The following LEMD3 variants were observed in gnomAD, a reference collection of about 807,000 sequenced individuals.
LEMD3 encodes the protein inner nuclear membrane protein Man1.
LEMD3 carries 33 observed loss-of-function variants against 95.2 expected under a neutral mutation model. The observed-to-expected ratio is 0.35, with a 90% CI of 0.26 to 0.46. The LOEUF (loss-of-function observed/expected upper bound fraction) is 0.46, where lower values mean the gene tolerates loss of function less well. Among genes scored for constraint, LEMD3 ranks in the 20% least tolerant of loss-of-function variants. The pLI is 1.00. For synonymous variants in LEMD3, 525 were observed against 474.6 expected (o/e 1.11, Z -1.38); for missense variants, 1,210 against 1,192.8 (o/e 1.01, Z -0.21).
chr12:65,228,031 G>A (rs188616247), intron 4 of LEMD3, among the ~76,000 whole-genome samples: 64 of 152,248 alleles, frequency 4.2e-4, no homozygotes, highest in Admixed American at 9.8e-4. Context: ...CTGAAGAAAT[G>A]GGATAGGGAC....
At chr12:65,231,709 T>C (rs1013564534) in intron 4 of LEMD3, among the ~76,000 whole-genome samples, 1 of 152,054 alleles carries the variant, frequency 6.6e-6, no homozygotes, top group African/African-American at 2.4e-5. Flanking sequence ...ATTATTTAAT[T>C]CATATGGAAA....
intron 1 of LEMD3, among the ~76,000 whole-genome samples, chr12:65,206,023 T>C (rs1161502837): frequency 6.6e-6 from 1 of 152,120 alleles, no homozygotes; most frequent in African/African-American, 2.4e-5. Flanking sequence ...TGCAAAAACA[T>C]GTCCTGCCTT....
intron 2 of LEMD3, among the ~76,000 whole-genome samples, chr12:65,214,346 T>G (rs1870036454): frequency 6.6e-6 from 1 of 152,124 alleles, no homozygotes; most frequent in Admixed American, 6.5e-5. Flanking sequence ...TGATCTTATG[T>G]GAAGATAAGG....
chr12:65,172,190 C>G (rs972443438), intron 1 of LEMD3, among the ~76,000 whole-genome samples: 3 of 152,096 alleles, frequency 2.0e-5, no homozygotes, highest in African/African-American at 7.2e-5. Context: ...AAGATGAGGC[C>G]TCTATTGACT....
intron 1 of LEMD3, among the ~76,000 whole-genome samples, chr12:65,199,905 T>G (rs565525944): frequency 3.2e-4 from 48 of 152,112 alleles, no homozygotes; most frequent in African/African-American, 1.0e-3. Flanking sequence ...GAATGAGAGT[T>G]CTGAGGCAGG....
At chr12:65,179,931 A>G (rs151179557) in intron 1 of LEMD3, among the ~76,000 whole-genome samples, 11 of 152,106 alleles carry the variant, frequency 7.2e-5, no homozygotes, top group Non-Finnish European at 1.3e-4. Flanking sequence ...ATTTATTTTT[A>G]ACATAGATTT....
At position 65,169,816 on chromosome 12, in the gene LEMD3, G is replaced by C; in HGVS notation, c.220G>C (p.Ala74Pro). Residue 74 changes from alanine to proline, a missense_variant, in exon 1 of 13, where the codon GCC (alanine) becomes CCC (proline). Ala to Pro is a conservative substitution (Grantham distance 27). This residue lies in a region of LEMD3 where 749 missense variants were observed against 622.9 expected (regional missense o/e 1.20). Transcript: ENST00000308330. The part of the protein sequence containing the change: ...RNSNNNNTAA[A>P]TVAAAGPAAA... ...CAGTAATAACAATAACACGGCAGCC[G>C]CCACGGTCGCAGCCGCGGGACCAGC... 1 of 1,493,376 alleles carries C rather than the reference G, an allele frequency of 6.7e-7. No homozygotes were observed. The highest frequency in any genetic ancestry group is 2.5e-5 in the East Asian group (1 of 40,030). The allele number at this position is 1,493,376 out of a possible 1,614,324, so 92.5% of individuals were successfully genotyped here. A position where few individuals can be genotyped will look rare whatever the true frequency, so the allele number is the denominator to read the frequency against.
At chr12:65,183,291 A>G (rs1868960915) in intron 1 of LEMD3, among the ~76,000 whole-genome samples, 1 of 152,180 alleles carries the variant, frequency 6.6e-6, no homozygotes, top group Non-Finnish European at 1.5e-5. Flanking sequence ...AGGCTTTAGA[A>G]TCCGATATGT....
chr12:65,215,894 T>A, intron 2 of LEMD3, 83 bp from the exon 3 acceptor site: 3 of 557,556 alleles, frequency 5.4e-6, no homozygotes. Context: ...TTAAATTTAC[T>A]GTTTTTTTTT....
intron 1 of LEMD3, among the ~76,000 whole-genome samples, chr12:65,181,932 G>A (rs1451419949): frequency 3.3e-5 from 5 of 151,108 alleles, no homozygotes; most frequent in African/African-American, 4.9e-5. Context: ...TAAATGTCCC[G>A]TCTTTCAGAT....
intron 1 of LEMD3, among the ~76,000 whole-genome samples, 179 bp from the exon 2 acceptor site, chr12:65,210,747 A>T (rs1056774575): frequency 2.6e-5 from 4 of 152,146 alleles, no homozygotes; most frequent in Non-Finnish European, 5.9e-5. Flanking sequence ...AGTGAGAATG[A>T]TAAGTATAAG....
At chr12:65,173,779 A>G (rs1008758979) in intron 1 of LEMD3, among the ~76,000 whole-genome samples, 1 of 152,212 alleles carries the variant, frequency 6.6e-6, no homozygotes, top group Non-Finnish European at 1.5e-5. Context: ...TATACATTAT[A>G]GAAATTAATA....
At chr12:65,194,853 T>TAATTTATAAATTATAATTTAGATTAC (rs1869373789) in intron 1 of LEMD3, among the ~76,000 whole-genome samples, 5 of 148,534 alleles carry the variant, frequency 3.4e-5, no homozygotes, top group Non-Finnish European at 7.4e-5. Flanking sequence ...ATTTAGATTA[T>TAATTTATAAATTATAATTTAGATTAC]AATTTATAAA....
rs1416099990 is a variant in LEMD3 at position 65,171,144 on chromosome 12, GT to G, written c.1522+27del. 4 of 1,604,790 alleles carry G rather than the reference GT, an allele frequency of 2.5e-6. No individual in the cohort carries two copies. In the South Asian group the frequency reaches 3.3e-5, roughly 13 times the overall value. On this transcript the variant is annotated intron_variant, in intron 1 of 12. Transcript: ENST00000308330. ...GTAAGTATTAAATCCTGTGGGTAAGGTAACAAAGAGAATGTTGTTAGTGGTC... is the reference window on the plus strand; with the variant it reads ...GTAAGTATTAAATCCTGTGGGTAAGGAACAAAGAGAATGTTGTTAGTGGTC...
At chr12:65,236,490 G>T (rs1870775520) in intron 4 of LEMD3, among the ~76,000 whole-genome samples, 1 of 151,980 alleles carries the variant, frequency 6.6e-6, no homozygotes, top group Admixed American at 6.6e-5. Flanking sequence ...GATGGAGGTT[G>T]CAGTGAGGCG....
At chr12:65,186,408 A>G (rs1869065155) in intron 1 of LEMD3, among the ~76,000 whole-genome samples, 2 of 152,100 alleles carry the variant, frequency 1.3e-5, no homozygotes. Context: ...GCTATAAATT[A>G]TATTAATGCC....
intron 1 of LEMD3, among the ~76,000 whole-genome samples, chr12:65,180,989 A>AACACAC (rs71096029): frequency 0.07 from 10,512 of 149,246 alleles, 452 homozygotes; most frequent in East Asian, 0.15. Flanking sequence ...TATGTACACA[A>AACACAC]ACACACACAC....
chr12:65,239,755 T>C (rs1213088354), intron 6 of LEMD3, among the ~76,000 whole-genome samples, 174 bp from the exon 7 acceptor site: 1 of 152,168 alleles, frequency 6.6e-6, no homozygotes, highest in Admixed American at 6.5e-5. Context: ...TTCTAGAAAG[T>C]GAATCTTTGG....
rs901030886 is a variant in LEMD3, at chr12:65,215,268, A to C, written c.1561-709A>C. Among the ~76,000 whole-genome samples, 7 of 152,250 alleles carry C rather than the reference A, an allele frequency of 4.6e-5. No homozygotes were observed. In the East Asian group the frequency reaches 1.2e-3, roughly 25 times the overall value. ...GTTTTTCCTTTTAAATCAAACTCAAATATTCTGTTCCATAAATTCTGTTCC... is the reference window on the plus strand; with the variant it reads ...GTTTTTCCTTTTAAATCAAACTCAACTATTCTGTTCCATAAATTCTGTTCC... On this transcript the variant is annotated intron_variant, in intron 2 of 12. Coordinates refer to ENST00000308330, the MANE Select transcript of LEMD3 (RefSeq NM_014319.5).
Sources: allele counts gnomAD v4.1 joint callset (sites outside exome capture counted in the v4.1 genomes callset), GRCh38; gene constraint gnomAD v4.1.1; regional missense constraint gnomAD v4.1.1; transcripts MANE v1.5; gene names NCBI Gene and HGNC (gene_info 2026-07-23, HGNC 2026-07-21).